OR8D1: variants seen among roughly 807,000 people sequenced by gnomAD.
The protein encoded by OR8D1 is olfactory receptor family 8 subfamily D member 1.
For synonymous variants in OR8D1, 143 were observed against 147.0 expected (o/e 0.97, Z 0.20); for missense variants, 384 against 366.8 (o/e 1.05, Z -0.38).
Position 124,309,703 on chromosome 11 carries a change from C to T in OR8D1, c.*137G>A, listed in dbSNP as rs1591409367. 4.5e-6 allele frequency: 2 copies of T among 448,246 alleles called. No homozygotes were observed. Among genetic ancestry groups the T allele is most frequent in the African/African-American group, 2.0e-5 (1 of 49,450 alleles). The allele number at this position is 448,246 out of a possible 1,614,324, so 27.8% of individuals were successfully genotyped here. On this transcript the variant is annotated 3_prime_UTR_variant, in exon 3 of 3. Transcript: ENST00000641015. Reference sequence around the variant, plus strand: ...TTTTATTTTGTTGAGAAAGTTGAATCAATCATAGATGGGAAAGTATTTTTA... The same window carrying T: ...TTTTATTTTGTTGAGAAAGTTGAATTAATCATAGATGGGAAAGTATTTTTA...
rs1862408827 is a variant in OR8D1, at chr11:124,310,331, G to A, written c.436C>T (p.Leu146=). The part of the protein sequence containing the change: ...MSSWVCSLLV[L]AAFFLGFLSA... ...AGAAAGCCCAAGAAGAAGGCAGCCA[G>A]CACTAGCAGTGAGCAGACCCATGAG... Residue 146 remains leucine, a synonymous_variant, in exon 3 of 3, where the codon CTG becomes TTG. Transcript: ENST00000641015. 2 of 1,613,726 alleles carry A rather than the reference G, an allele frequency of 1.2e-6. No homozygotes were observed. The highest frequency in any genetic ancestry group is 1.7e-6 in the Non-Finnish European group (2 of 1,179,906).
rs967701223 is a variant in OR8D1 at position 124,303,884 on chromosome 11, G to A, written c.*5956C>T. ...AGTAGTGGTGCAAAATATGGGTTATGGGGCAAATCCAGCCCAGAGTTTAGT... is the reference window on the plus strand; with the variant it reads ...AGTAGTGGTGCAAAATATGGGTTATAGGGCAAATCCAGCCCAGAGTTTAGT... On this transcript the variant is annotated 3_prime_UTR_variant, in exon 3 of 3. Transcript: ENST00000641015. 1 of 151,824 alleles carries A rather than the reference G, an allele frequency of 6.6e-6. No individual in the cohort carries two copies. Among genetic ancestry groups the A allele is most frequent in the African/African-American group, 2.4e-5 (1 of 41,358 alleles). The allele number at this position is 151,824 out of a possible 1,614,324, so 9.4% of individuals were successfully genotyped here.
rs1191848284 is a variant in OR8D1, at chr11:124,310,759, A to G, written c.8T>C (p.Met3Thr). 4.4e-6 allele frequency: 7 copies of G among 1,608,842 alleles called. No individual in the cohort carries two copies. The highest frequency in any genetic ancestry group is 2.2e-5 in the East Asian group (1 of 44,744). Residue 3 changes from methionine to threonine, a missense_variant, in exon 3 of 3, where the codon ATG (methionine) becomes ACG (threonine). Transcript: ENST00000641015. ...CTGAGCTGCCATAGAATAATTTTCC[A>G]TGGTCATTCTTCTTTAGGCATTTCT... MT[M>T]ENYSMAAQFV...
In OR8D1 at chr11:124,310,182, A is replaced by G; in HGVS notation, c.585T>C (p.Asn195=). 1 of 1,612,464 alleles carries G rather than the reference A, an allele frequency of 6.2e-7. No homozygotes were observed. The highest frequency in any genetic ancestry group is 1.1e-5 in the South Asian group (1 of 91,042). The part of the protein sequence containing the change: ...LNLSCSNTHL[N]ELLLFIIAGF... Reference sequence around the variant, plus strand: ...CCGCAATGATAAAAAGTAGAAGCTCATTGAGGTGTGTGTTGGAGCAGGAGA... The same window carrying G: ...CCGCAATGATAAAAAGTAGAAGCTCGTTGAGGTGTGTGTTGGAGCAGGAGA... The change falls in exon 3 of 3, where the codon AAT becomes AAC. Residue 195 remains asparagine, a synonymous_variant. Transcript: ENST00000641015.
Position 124,304,810 on chromosome 11 carries a change from C to T in OR8D1, c.*5030G>A, listed in dbSNP as rs1486336847. The T allele has an allele frequency of 2.0e-5, 3 of 151,702 alleles. No homozygotes were observed. The highest frequency in any genetic ancestry group is 4.8e-5 in the African/African-American group (2 of 41,342). 9.4% of individuals were successfully genotyped at this position (151,702 alleles called of 1,614,324 possible). A position where few individuals can be genotyped will look rare whatever the true frequency, so the allele number is the denominator to read the frequency against. On this transcript the variant is annotated 3_prime_UTR_variant, in exon 3 of 3. Coordinates refer to ENST00000641015, the MANE Select transcript of OR8D1 (RefSeq NM_001002917.2). ...TTGGATATAAGTCATTTGTTGGACA[C>T]ATTTGTTTTGTGTTTGTATATGTGT... is the stretch of plus-strand genomic sequence containing the variant.
At position 124,309,035 on chromosome 11, in the gene OR8D1, G is replaced by A. The variant is rs1040308971; in HGVS notation, c.*805C>T. 2 of 152,050 alleles carry A rather than the reference G, an allele frequency of 1.3e-5. No homozygotes were observed. Among genetic ancestry groups the A allele is most frequent in the African/African-American group, 4.8e-5 (2 of 41,412 alleles). The allele number at this position is 152,050 out of a possible 1,614,324, so 9.4% of individuals were successfully genotyped here. A position where few individuals can be genotyped will look rare whatever the true frequency, so the allele number is the denominator to read the frequency against. Reference sequence around the variant, plus strand: ...AAACATGGACCACAGCTTCAGTTCAGGAATCTGCAGAGGACAGTTCTCCAA... The same window carrying A: ...AAACATGGACCACAGCTTCAGTTCAAGAATCTGCAGAGGACAGTTCTCCAA... On this transcript the variant is annotated 3_prime_UTR_variant, in exon 3 of 3. Coordinates refer to ENST00000641015, the MANE Select transcript of OR8D1 (RefSeq NM_001002917.2).
intron 1 of OR8D1, among the ~76,000 whole-genome samples, chr11:124,312,630 G>T (rs1014704237): frequency 6.7e-6 from 1 of 149,312 alleles, no homozygotes; most frequent in African/African-American, 2.5e-5. Context: ...CAATTCTCCT[G>T]TCTAAGCCTC....
chr11:124,312,434 G>C (rs1010582207), intron 1 of OR8D1, among the ~76,000 whole-genome samples: 2 of 152,050 alleles, frequency 1.3e-5, no homozygotes, highest in African/African-American at 2.4e-5. Context: ...ATGAGGCCAG[G>C]AGGAAACACA....
chr11:124,304,847 A>ATT lies in OR8D1; in HGVS notation c.*4991_*4992dup, dbSNP rs1421122773. The ATT allele has an allele frequency of 1.3e-5, 2 of 151,718 alleles. No homozygotes were observed. Among genetic ancestry groups the ATT allele is most frequent in the Admixed American group, 6.6e-5 (1 of 15,216 alleles). The allele number at this position is 151,718 out of a possible 1,614,324, so 9.4% of individuals were successfully genotyped here. A position where few individuals can be genotyped will look rare whatever the true frequency, so the allele number is the denominator to read the frequency against. ...GTTTGTATATGTGTGTGTGTACATTATTTTTCCAGCCTGTGTGTGCACTTT... is the reference window on the plus strand; with the variant it reads ...GTTTGTATATGTGTGTGTGTACATTATTTTTTTCCAGCCTGTGTGTGCACTTT... On this transcript the variant is annotated 3_prime_UTR_variant, in exon 3 of 3. Coordinates refer to ENST00000641015, the MANE Select transcript of OR8D1 (RefSeq NM_001002917.2).
At chr11:124,312,101 G>A (rs1407920929) in intron 1 of OR8D1, among the ~76,000 whole-genome samples, 1 of 152,166 alleles carries the variant, frequency 6.6e-6, no homozygotes, top group Non-Finnish European at 1.5e-5. Flanking sequence ...AATGGTAAAT[G>A]TAAAGATTCA....
chr11:124,310,437 A>G lies in OR8D1; in HGVS notation c.330T>C (p.Ala110=), dbSNP rs1232362750. 6.2e-7 allele frequency: 1 copy of G among 1,613,584 alleles called. No individual in the cohort carries two copies. The highest frequency in any genetic ancestry group is 1.7e-5 in the Admixed American group (1 of 59,896). ...CCATGGCAGTCAGGAGGTAACCCTC[A>G]GCCACCACAAAGACCACAAAGAAAA... is the stretch of plus-strand genomic sequence containing the variant. The part of the protein sequence containing the change: ...QLFFFVVFVV[A]EGYLLTAMAY... Residue 110 remains alanine (A), a synonymous_variant, in exon 3 of 3, where the codon GCT becomes GCC. Transcript: ENST00000641015.
chr11:124,309,943 G>T lies in OR8D1; in HGVS notation c.824C>A (p.Ser275Tyr), dbSNP rs199609954. 2.1e-5 allele frequency: 32 copies of T among 1,553,394 alleles called. No homozygotes were observed. In the East Asian group the frequency reaches 7.2e-4, roughly 35 times the overall value. The change falls in exon 3 of 3, where the codon TCT becomes TAT. Residue 275 changes from serine (S) to tyrosine (Y), a missense_variant. Physicochemically the swap from Ser to Tyr is moderately radical, Grantham distance 144. Coordinates refer to ENST00000641015, the MANE Select transcript of OR8D1 (RefSeq NM_001002917.2). ...SNSLDQEKVS[S>Y]VFYTTVIPML... The stretch of plus-strand genomic sequence containing the variant: ...GGGGATCACCGTGGTGTAGAACACA[G>T]AGGACACCTTCTCCTGGTCCAGGGA...
chr11:124,310,607 G>A lies in OR8D1; in HGVS notation c.160C>T (p.Leu54=), dbSNP rs1301826099. Residue 54 remains leucine (L), a synonymous_variant, in exon 3 of 3, where the codon CTA becomes TTA. Coordinates refer to ENST00000641015, the MANE Select transcript of OR8D1 (RefSeq NM_001002917.2). Reference sequence around the variant, plus strand: ...AAATAGTACATGGGGGTGTGAAGTAGAGGGCTGACTGCAATCAGGAGAATC... The same window carrying A: ...AAATAGTACATGGGGGTGTGAAGTAAAGGGCTGACTGCAATCAGGAGAATC... ...GMILLIAVSP[L]LHTPMYYFLS... The A allele has an allele frequency of 5.6e-6, 9 of 1,613,930 alleles. No homozygotes were observed. The highest frequency in any genetic ancestry group is 6.8e-6 in the Non-Finnish European group (8 of 1,179,934).
chr11:124,311,271 G>T (rs1206928191), intron 2 of OR8D1, among the ~76,000 whole-genome samples: 1 of 152,096 alleles, frequency 6.6e-6, no homozygotes, highest in African/African-American at 2.4e-5. Context: ...ATGGGGTTGG[G>T]TGTAAGGCAT....
chr11:124,308,261 T>C lies in OR8D1; in HGVS notation c.*1579A>G, dbSNP rs965734864. 2.0e-5 allele frequency: 3 copies of C among 152,062 alleles called. No individual in the cohort carries two copies. Among genetic ancestry groups the C allele is most frequent in the African/African-American group, 7.2e-5 (3 of 41,420 alleles). The allele number at this position is 152,062 out of a possible 1,614,324, so 9.4% of individuals were successfully genotyped here. On this transcript the variant is annotated 3_prime_UTR_variant, in exon 3 of 3. Coordinates refer to ENST00000641015, the MANE Select transcript of OR8D1 (RefSeq NM_001002917.2). ...AAAACTATGTGGCACCAAATGATAA[T>C]TTGAAGGTCAGGATCCTGGATTCAG...
In OR8D1 at chr11:124,309,589, T is replaced by C. The variant is rs76445663; in HGVS notation, c.*251A>G. ...AAAATCTGAATTCTCATGTCTTTTC[T>C]ATCACAATTGGTAAAAGAAATTAAA... On this transcript the variant is annotated 3_prime_UTR_variant, in exon 3 of 3. Transcript: ENST00000641015. 2,840 of 226,172 alleles carry C rather than the reference T, an allele frequency of 0.013. 90 individuals carry two copies. Among genetic ancestry groups the C allele is most frequent in the African/African-American group, 0.059 (2,636 of 44,358 alleles). 14.0% of individuals were successfully genotyped at this position (226,172 alleles called of 1,614,324 possible).
chr11:124,308,503 T>G lies in OR8D1; in HGVS notation c.*1337A>C, dbSNP rs1409854103. Reference sequence around the variant, plus strand: ...GCCACGGTAAATGTTTAGGACCTGGTTCAACAAACTGATAGGAAGATGTAT... The same window carrying G: ...GCCACGGTAAATGTTTAGGACCTGGGTCAACAAACTGATAGGAAGATGTAT... On this transcript the variant is annotated 3_prime_UTR_variant, in exon 3 of 3. Coordinates refer to ENST00000641015, the MANE Select transcript of OR8D1 (RefSeq NM_001002917.2). 1 of 152,008 alleles carries G rather than the reference T, an allele frequency of 6.6e-6. No homozygotes were observed. The highest frequency in any genetic ancestry group is 6.6e-5 in the Admixed American group (1 of 15,240). The allele number at this position is 152,008 out of a possible 1,614,324, so 9.4% of individuals were successfully genotyped here.
chr11:124,311,148 C>T (rs895441377), intron 2 of OR8D1, among the ~76,000 whole-genome samples: 2 of 152,120 alleles, frequency 1.3e-5, no homozygotes, highest in Non-Finnish European at 2.9e-5. Flanking sequence ...CAGTTTTCTC[C>T]TACTCAAAGG....
Position 124,310,047 on chromosome 11 carries a change from T to C in OR8D1, c.720A>G (p.Thr240=). 3.7e-6 allele frequency: 6 copies of C among 1,612,940 alleles called. No individual in the cohort carries two copies. The highest frequency in any genetic ancestry group is 5.1e-6 in the Non-Finnish European group (6 of 1,179,378). The part of the protein sequence containing the change: ...SSEGRSKAFG[T]CSSHLMAVVI... ...CCACAGCCATGAGATGAGAGCTGCATGTTCCAAAAGCTTTGGACCGGCCCT... is the reference window on the plus strand; with the variant it reads ...CCACAGCCATGAGATGAGAGCTGCACGTTCCAAAAGCTTTGGACCGGCCCT... The change falls in exon 3 of 3, where the codon ACA becomes ACG. Residue 240 remains threonine, a synonymous_variant. Coordinates refer to ENST00000641015, the MANE Select transcript of OR8D1 (RefSeq NM_001002917.2).
Sources: gnomAD v4.1 joint callset for allele counts (sites outside exome capture counted in the v4.1 genomes callset) on GRCh38, gnomAD v4.1.1 for gene constraint, MANE v1.5 for transcripts, NCBI Gene and HGNC (gene_info 2026-07-23, HGNC 2026-07-21) for gene names.